Variants in LRRC56 observed in about 807,000 individuals in gnomAD.
LRRC56 encodes the protein leucine rich repeat containing 56, also known as leucine-rich repeat-containing protein 56.
A neutral mutation model predicts 47.8 loss-of-function variants in LRRC56; 41 were observed. The ratio of observed to expected loss-of-function variants is 0.86; its 90% CI spans 0.67 to 1.11. LRRC56 has a LOEUF of 1.11. Among genes scored for constraint, LRRC56 ranks in the 50% most tolerant of loss-of-function variants. The probability of loss-of-function intolerance (pLI) is 0.00; values close to 1 mark genes in which losing one functional copy is unlikely to be tolerated. For missense variants in LRRC56, 759 were observed against 704.2 expected, an observed-to-expected ratio of 1.08 and a Z score of -0.88; for synonymous variants, 387 against 311.2, an observed-to-expected ratio of 1.24 and a Z score of -2.56.
intron 8 of LRRC56, 89 bp from the exon 9 acceptor site, chr11:551,042 G>C (rs1045543736): frequency 1.3e-6 from 1 of 782,766 alleles, no homozygotes; most frequent in Non-Finnish European, 2.0e-6. Flanking sequence ...CCCACGGTGG[G>C]TCTGGGAAAG....
chr11:552,437 T>G, intron 12 of LRRC56, 132 bp from the exon 13 acceptor site: 1 of 1,159,436 alleles, frequency 8.6e-7, no homozygotes, highest in Non-Finnish European at 1.2e-6. Context: ...GTGTGTCCTG[T>G]CCCGTGGGGG....
Position 550,194 on chromosome 11 carries a change from G to C in LRRC56, c.546G>C (p.Gln182His), listed in dbSNP as rs1852311168. ...ACCTGGGGCAGGTGCGCTACTTGCA[G>C]CTGTGCCCACGCCTGGCCATGCTCA... is the stretch of plus-strand genomic sequence containing the variant. ...VEDLGQVRYL[Q>H]LCPRLAMLTL... Residue 182 changes from glutamine to histidine, a missense_variant, in exon 8 of 14, where the codon CAG becomes CAC. By Grantham distance (24) the Gln-to-His change is conservative. Transcript: ENST00000270115. The C allele has an allele frequency of 1.2e-6, 2 of 1,612,788 alleles. No homozygotes were observed. The highest frequency in any genetic ancestry group is 3.3e-5 in the Admixed American group (2 of 59,968).
the LRRC56 span, chr11:532,330 C>T: frequency 3.7e-5 from 19 of 518,634 alleles, no homozygotes; most frequent in East Asian, 2.0e-4. Context: ...GCTGGGGTTC[C>T]GGTGGCATTT....
upstream of LRRC56, chr11:535,308 C>CTGT (rs1223400023): frequency 6.8e-6 from 1 of 146,194 alleles, no homozygotes; most frequent in African/African-American, 2.5e-5. Flanking sequence ...GCCGCCGCCG[C>CTGT]CGCCGCTTAC....
At chr11:549,009 T>C (rs901646698) in intron 6 of LRRC56, among the ~76,000 whole-genome samples, 4 of 151,962 alleles carry the variant, frequency 2.6e-5, no homozygotes, top group Non-Finnish European at 1.5e-5. Context: ...GGAAAAGCCA[T>C]TGAAGGCAGC....
At chr11:545,616 T>TC (rs1852033815) in intron 6 of LRRC56, among the ~76,000 whole-genome samples, 1 of 151,668 alleles carries the variant, frequency 6.6e-6, no homozygotes, top group Non-Finnish European at 1.5e-5. Flanking sequence ...CCGGACCAGC[T>TC]CCCAGGAGAA....
upstream of LRRC56, chr11:533,189 CGGAGCTGTGTCGGCCCAGGACTGCAG>C (rs1239956930): frequency 4.4e-5 from 54 of 1,226,924 alleles, no homozygotes; most frequent in Non-Finnish European, 6.0e-5. Flanking sequence ...CCGCCTTCCC[CGGAGCTGTGTCGGCCCAGGACTGCAG>C]GGCGTGAGCC....
Position 551,703 on chromosome 11 carries a change from T to C in LRRC56, c.849T>C (p.Pro283=). Residue 283 remains proline, a synonymous_variant, in exon 10 of 14, where the codon CCT becomes CCC. Transcript: ENST00000270115. The part of the protein sequence containing the change: ...IRRLDPELSL[P]ETQSRASRPW... Reference sequence around the variant, plus strand: ...GACTTGACCCCGAGCTGTCCCTGCCTGAGACGCAGTCCCGGGCCTCCAGGC... The same window carrying C: ...GACTTGACCCCGAGCTGTCCCTGCCCGAGACGCAGTCCCGGGCCTCCAGGC... The C allele has an allele frequency of 6.2e-7, 1 of 1,610,666 alleles. No individual in the cohort carries two copies. Among genetic ancestry groups the C allele is most frequent in the Non-Finnish European group, 8.5e-7 (1 of 1,178,850 alleles).
upstream of LRRC56, chr11:533,853 C>T (rs730880461): frequency 6.2e-7 from 1 of 1,613,366 alleles, no homozygotes; most frequent in Non-Finnish European, 8.5e-7. Context: ...GTACTGGTCC[C>T]GCATGGCGCT....
At chr11:532,397 GC>G in the LRRC56 span, 1 of 611,306 alleles carries the variant, frequency 1.6e-6, no homozygotes, top group Non-Finnish European at 2.9e-6. Context: ...AGTCACCTCG[GC>G]CCACGGTCCC....
At chr11:543,361 T>A (rs1037983083) in intron 5 of LRRC56, among the ~76,000 whole-genome samples, 7 of 150,336 alleles carry the variant, frequency 4.7e-5, no homozygotes, top group Non-Finnish European at 7.4e-5. Flanking sequence ...ATTACAGGTG[T>A]GTGCCACCAC....
At chr11:508,262 C>T in the LRRC56 span, among the ~76,000 whole-genome samples, 8 of 152,348 alleles carry the variant, frequency 5.3e-5, no homozygotes, top group East Asian at 3.9e-4. Flanking sequence ...ACCTCCCGGA[C>T]TCCAGTGATC....
At chr11:522,779 T>C in the LRRC56 span, among the ~76,000 whole-genome samples, 1 of 151,950 alleles carries the variant, frequency 6.6e-6, no homozygotes, top group Non-Finnish European at 1.5e-5. Flanking sequence ...GTTTCACTCG[T>C]TCCAAAGCGC....
At chr11:511,130 G>A in the LRRC56 span, among the ~76,000 whole-genome samples, 109 of 151,668 alleles carry the variant, frequency 7.2e-4, no homozygotes, top group South Asian at 1.7e-3. Flanking sequence ...GACCATCCTG[G>A]CTAACACGGT....
chr11:534,799 G>A (rs547351022), upstream of LRRC56, among the ~76,000 whole-genome samples: 62 of 152,322 alleles, frequency 4.1e-4, no homozygotes, highest in Middle Eastern at 3.4e-3. Context: ...CGCGGCGCTG[G>A]TGCCTCCGAC....
At chr11:552,508 C>A (rs974878322) in intron 12 of LRRC56, 61 bp from the exon 13 acceptor site, 40 of 1,431,240 alleles carry the variant, frequency 2.8e-5, no homozygotes, top group Non-Finnish European at 3.6e-5. Context: ...TGGACCATCC[C>A]TATGTGTCCT....
the LRRC56 span, among the ~76,000 whole-genome samples, chr11:521,785 A>G: frequency 2.0e-5 from 3 of 152,060 alleles, no homozygotes; most frequent in South Asian, 2.1e-4. Context: ...CGTGGTGGCG[A>G]GCGCCTGTAG....
At chr11:540,613 G>A in intron 3 of LRRC56, 61 bp from the exon 4 acceptor site, 1 of 1,474,224 alleles carries the variant, frequency 6.8e-7, no homozygotes, top group Non-Finnish European at 9.3e-7. Flanking sequence ...CAGGGTCTCA[G>A]CCGGGCTGCA....
In LRRC56 at chr11:540,675, T is replaced by C; in HGVS notation, c.-10T>C. ...TTTGCACTGTGCCTCTGTCAGCAGG[T>C]GACATGTGAATGGATCTGGGCTGGG... On this transcript the variant is annotated splice_region_variant and 5_prime_UTR_variant, in exon 4 of 14. Transcript: ENST00000270115. 6.2e-7 allele frequency: 1 copy of C among 1,611,186 alleles called. No individual in the cohort carries two copies. Among genetic ancestry groups the C allele is most frequent in the Non-Finnish European group, 8.5e-7 (1 of 1,179,224 alleles).
Sources: gnomAD v4.1 joint callset for allele counts (sites outside exome capture counted in the v4.1 genomes callset) on GRCh38, gnomAD v4.1.1 for gene constraint, MANE v1.5 for transcripts, NCBI Gene and HGNC (gene_info 2026-07-23, HGNC 2026-07-21) for gene names.